Variants in PSORS1C1 observed in about 807,000 individuals in gnomAD.
The protein encoded by PSORS1C1 is psoriasis susceptibility 1 candidate 1.
In PSORS1C1, 7 loss-of-function variants were observed where a neutral mutation model predicts 9.4. That is an observed-to-expected ratio of 0.75 (90% CI 0.42 to 1.40). The LOEUF is 1.40. Among genes scored for constraint, PSORS1C1 ranks in the 40% most tolerant of loss-of-function variants. The pLI, the probability that PSORS1C1 is intolerant of heterozygous loss-of-function variation, is 0.01. For missense variants in PSORS1C1, 146 were observed against 178.1 expected, an observed-to-expected ratio of 0.82 and a Z score of 1.02; for synonymous variants, 63 against 69.4, an observed-to-expected ratio of 0.91 and a Z score of 0.46.
intron 1 of PSORS1C1, among the ~76,000 whole-genome samples, chr6:31,124,306 C>T (rs1252755290): frequency 6.6e-6 from 1 of 152,066 alleles, no homozygotes; most frequent in Admixed American, 6.6e-5. Context: ...GCTTGGGGCA[C>T]GAGATCCACC....
chr6:31,123,666 G>A (rs1772558139), intron 1 of PSORS1C1, among the ~76,000 whole-genome samples: 1 of 152,234 alleles, frequency 6.6e-6, no homozygotes, highest in African/African-American at 2.4e-5. Context: ...TCCCAGCCAT[G>A]TATCATGAAG....
At chr6:31,123,858 C>T (rs995081345) in intron 1 of PSORS1C1, among the ~76,000 whole-genome samples, 4 of 152,174 alleles carry the variant, frequency 2.6e-5, no homozygotes, top group Non-Finnish European at 5.9e-5. Context: ...GGACACACAG[C>T]GTAAGACAGC....
chr6:31,130,573 G>A (rs928398946), intron 3 of PSORS1C1, among the ~76,000 whole-genome samples: 9 of 150,884 alleles, frequency 6.0e-5, no homozygotes, highest in Non-Finnish European at 1.0e-4. Context: ...CACCACTCCC[G>A]GCTAATTTTT....
chr6:31,126,414 GC>G (rs1248378269), intron 2 of PSORS1C1, among the ~76,000 whole-genome samples: 2 of 152,138 alleles, frequency 1.3e-5, no homozygotes, highest in Admixed American at 6.5e-5. Flanking sequence ...ATAACGAGTT[GC>G]CCCTAGCTGA....
intron 1 of PSORS1C1, among the ~76,000 whole-genome samples, chr6:31,125,375 G>A (rs1312111180): frequency 6.6e-6 from 1 of 152,082 alleles, no homozygotes; most frequent in Non-Finnish European, 1.5e-5. Context: ...CCTCTCCTTG[G>A]CGTGGAAGCC....
intron 3 of PSORS1C1, among the ~76,000 whole-genome samples, chr6:31,130,021 T>C (rs1204907879): frequency 6.6e-6 from 1 of 152,002 alleles, no homozygotes; most frequent in African/African-American, 2.4e-5. Context: ...GCCCAGGAGG[T>C]CAAGGCTGCA....
At position 31,133,943 on chromosome 6, in the gene PSORS1C1, C is replaced by T. The variant is rs371899924; in HGVS notation, c.13+4298C>T. Among the ~76,000 whole-genome samples, 93 of 152,190 alleles carry T rather than the reference C, an allele frequency of 6.1e-4. No individual in the cohort carries two copies. The East Asian group carries it at 7.9e-3, about 13-fold the overall frequency. Reference sequence around the variant, plus strand: ...TCTCAGATTATTCCTAAACCCTAAGCTTAGTTTTGTTTCATTCGGACCACA... The same window carrying T: ...TCTCAGATTATTCCTAAACCCTAAGTTTAGTTTTGTTTCATTCGGACCACA... On this transcript the variant is annotated intron_variant, in intron 3 of 5. Transcript: ENST00000259881.
chr6:31,122,356 C>T (rs1188128363), intron 1 of PSORS1C1, among the ~76,000 whole-genome samples: 1 of 152,190 alleles, frequency 6.6e-6, no homozygotes, highest in Non-Finnish European at 1.5e-5. Context: ...GCCAGCTTCA[C>T]CCCCACAGCC....
In PSORS1C1 at chr6:31,133,180, G is replaced by A. The variant is rs531992264; in HGVS notation, c.13+3535G>A. ...ATGGTAAAGGGGTTCAAGAAGAAAT[G>A]CGTAGAACACAGTCCCTGCCCCACA... is the stretch of plus-strand genomic sequence containing the variant. On this transcript the variant is annotated intron_variant, in intron 3 of 5. Transcript: ENST00000259881. Among the ~76,000 whole-genome samples the A allele has an allele frequency of 1.4e-4, 22 of 152,226 alleles. No individual in the cohort carries two copies. In the East Asian group the frequency reaches 4.1e-3, roughly 28 times the overall value.
chr6:31,114,940 G>T (rs2150954290), intron 1 of PSORS1C1, 49 bp downstream of exon 1: 1 of 447,640 alleles, frequency 2.2e-6, no homozygotes. Context: ...GGGGAGGGGA[G>T]GGGAGGGGAG....
At chr6:31,122,756 G>C (rs1342452078) in intron 1 of PSORS1C1, among the ~76,000 whole-genome samples, 1 of 152,146 alleles carries the variant, frequency 6.6e-6, no homozygotes, top group Non-Finnish European at 1.5e-5. Context: ...TCCAGCCTGG[G>C]TGACAAAAGG....
chr6:31,129,433 C>A, intron 2 of PSORS1C1, 136 bp from the exon 3 acceptor site: 1 of 603,704 alleles, frequency 1.7e-6, no homozygotes, highest in Non-Finnish European at 3.0e-6. Context: ...CCATCCAGGC[C>A]CACTCAGTCT....
In PSORS1C1 at chr6:31,115,855, T is replaced by C; in HGVS notation, c.-229+964T>C. The C allele has an allele frequency of 1.6e-6, 1 of 610,296 alleles. No homozygotes were observed. Among genetic ancestry groups the C allele is most frequent in the Non-Finnish European group, 3.0e-6 (1 of 338,824 alleles). The allele number at this position is 610,296 out of a possible 1,614,324, so 37.8% of individuals were successfully genotyped here. A position where few individuals can be genotyped will look rare whatever the true frequency, so the allele number is the denominator to read the frequency against. ...TTTGAGAAGAGGAAGGAGGAAGGGGTGATAAGAGAGAGTCTGCAACCTTGG... is the reference window on the plus strand; with the variant it reads ...TTTGAGAAGAGGAAGGAGGAAGGGGCGATAAGAGAGAGTCTGCAACCTTGG... On this transcript the variant is annotated intron_variant, in intron 1 of 5. Coordinates refer to ENST00000259881, the MANE Select transcript of PSORS1C1 (RefSeq NM_014068.3). The surrounding 1 kb of genome is among the most constrained non-coding windows in gnomAD (Gnocchi z 4.2).
chr6:31,116,969 G>A, intron 1 of PSORS1C1: 1 of 1,614,198 alleles, frequency 6.2e-7, no homozygotes, highest in Non-Finnish European at 8.5e-7. Flanking sequence ...CTACAGGGAC[G>A]CTGGTTGGAG....
chr6:31,124,195 G>A (rs112773029), intron 1 of PSORS1C1, among the ~76,000 whole-genome samples: 1,775 of 152,246 alleles, frequency 0.012, 27 homozygotes, highest in African/African-American at 0.033. Flanking sequence ...ATCACAAAGG[G>A]GGCTGAAGCA....
At chr6:31,122,838 A>G (rs1032922886) in intron 1 of PSORS1C1, among the ~76,000 whole-genome samples, 6 of 151,678 alleles carry the variant, frequency 4.0e-5, no homozygotes, top group Non-Finnish European at 8.8e-5. Flanking sequence ...GCCTCCCTAG[A>G]CTCTCAGGCT....
chr6:31,132,794 A>G (rs972709974), intron 3 of PSORS1C1, among the ~76,000 whole-genome samples: 2 of 151,512 alleles, frequency 1.3e-5, no homozygotes, highest in Non-Finnish European at 2.9e-5. Flanking sequence ...GACTGCAATG[A>G]GTTATGATTG....
intron 1 of PSORS1C1, among the ~76,000 whole-genome samples, chr6:31,122,883 G>T (rs1581847328): frequency 1.3e-5 from 2 of 152,196 alleles, no homozygotes; most frequent in South Asian, 2.1e-4. Context: ...GGAGGGAGGG[G>T]GCACTGGGGT....
chr6:31,138,989 AG>A, intron 5 of PSORS1C1: 1 of 1,614,046 alleles, frequency 6.2e-7, no homozygotes, highest in Non-Finnish European at 8.5e-7. Flanking sequence ...GTGCAGGCAA[AG>A]GACCAGGATC....
Sources: gnomAD v4.1 joint callset for allele counts (sites outside exome capture counted in the v4.1 genomes callset) on GRCh38, gnomAD v4.1.1 for gene constraint, Gnocchi (gnomAD v3.1) non-coding constraint, MANE v1.5 for transcripts, NCBI Gene and HGNC (gene_info 2026-07-23, HGNC 2026-07-21) for gene names.